The following ERC2 variants were observed in gnomAD, a reference collection of about 807,000 sequenced individuals.
ERC2 encodes ERC protein 2.
ERC2 carries 42 observed loss-of-function variants against 114.8 expected under a neutral mutation model. The observed-to-expected ratio is 0.37, with a 90% CI of 0.29 to 0.47. The LOEUF (loss-of-function observed/expected upper bound fraction) is 0.47. ERC2 is among the 20% of genes least tolerant of loss of function. The pLI, the probability that ERC2 is intolerant of heterozygous loss-of-function variation, is 0.99. For synonymous variants in ERC2, 454 were observed against 425.5 expected, an observed-to-expected ratio of 1.07 and a Z score of -0.82; for missense variants, 939 against 1,150.7, an observed-to-expected ratio of 0.82 and a Z score of 2.66.
intron 3 of ERC2, among the ~76,000 whole-genome samples, chr3:56,195,468 T>G (rs575495414): frequency 6.7e-6 from 1 of 148,434 alleles, no homozygotes; most frequent in Non-Finnish European, 1.5e-5. Flanking sequence ...TATATATGTA[T>G]GTTTAGGGAT....
intron 7 of ERC2, among the ~76,000 whole-genome samples, chr3:56,038,683 C>A (rs1226015065): frequency 1.3e-5 from 2 of 152,144 alleles, no homozygotes; most frequent in African/African-American, 4.8e-5. Flanking sequence ...GGAATCAACC[C>A]AAATGCCCAT....
At chr3:56,416,659 T>TAAAA (rs35915351) in intron 2 of ERC2, among the ~76,000 whole-genome samples, 6 of 104,272 alleles carry the variant, frequency 5.8e-5, no homozygotes, top group Admixed American at 2.2e-4. Context: ...AAAACATGAT[T>TAAAA]AAAAAAAAAA....
At chr3:55,864,186 T>TATATATATATATACAC (rs1559783422) in intron 14 of ERC2, among the ~76,000 whole-genome samples, 344 of 139,062 alleles carry the variant, frequency 2.5e-3, no homozygotes, top group African/African-American at 9.2e-3. Flanking sequence ...TATATACACA[T>TATATATATATATACAC]ATATATATAC....
intron 13 of ERC2, among the ~76,000 whole-genome samples, chr3:55,944,438 G>T (rs1325195476): frequency 6.6e-6 from 1 of 152,196 alleles, no homozygotes; most frequent in Non-Finnish European, 1.5e-5. Flanking sequence ...TGAAGTGGAG[G>T]ATTAGGTCAG....
intron 3 of ERC2, among the ~76,000 whole-genome samples, chr3:56,275,447 G>A (rs2053927745): frequency 6.6e-6 from 1 of 152,150 alleles, no homozygotes; most frequent in African/African-American, 2.4e-5. Flanking sequence ...AAGTTTCTTA[G>A]TCCCATTTTA....
intron 3 of ERC2, among the ~76,000 whole-genome samples, chr3:56,243,895 T>C (rs1462877133): frequency 6.6e-6 from 1 of 152,144 alleles, no homozygotes; most frequent in African/African-American, 2.4e-5. Context: ...TGAGTTTATA[T>C]TGTCATCCTT....
chr3:56,272,631 G>C (rs989868497), intron 3 of ERC2, among the ~76,000 whole-genome samples: 1 of 152,170 alleles, frequency 6.6e-6, no homozygotes, highest in Non-Finnish European at 1.5e-5. Flanking sequence ...TTAGCCAGGC[G>C]GGGTAGTGCA....
intron 14 of ERC2, among the ~76,000 whole-genome samples, chr3:55,795,655 C>T (rs1455416257): frequency 6.6e-6 from 1 of 152,136 alleles, no homozygotes; most frequent in African/African-American, 2.4e-5. Context: ...CTGTACGTAA[C>T]CAAGAAACCA....
At chr3:55,853,538 G>GA (rs960266910) in intron 14 of ERC2, among the ~76,000 whole-genome samples, 7 of 148,870 alleles carry the variant, frequency 4.7e-5, no homozygotes, top group South Asian at 2.1e-4. Flanking sequence ...AATAAACAAA[G>GA]AAAAAAAAAG....
chr3:55,886,434 A>AT (rs1222898375), intron 14 of ERC2, among the ~76,000 whole-genome samples: 2 of 152,206 alleles, frequency 1.3e-5, no homozygotes, highest in Non-Finnish European at 2.9e-5. Context: ...AACATTCCAT[A>AT]TTGTTTTCTA....
chr3:56,415,911 C>A (rs2061133190), intron 2 of ERC2, among the ~76,000 whole-genome samples: 1 of 152,182 alleles, frequency 6.6e-6, no homozygotes, highest in Non-Finnish European at 1.5e-5. Flanking sequence ...TGGCCCCATG[C>A]CCTCATCAAA....
intron 17 of ERC2, among the ~76,000 whole-genome samples, chr3:55,610,013 T>C (rs543285749): frequency 1.3e-5 from 2 of 150,680 alleles, no homozygotes; most frequent in Non-Finnish European, 3.0e-5. Context: ...GGGCATTTTC[T>C]TTCTCTTTAT....
intron 2 of ERC2, among the ~76,000 whole-genome samples, chr3:56,401,303 T>C (rs1252601985): frequency 1.3e-5 from 2 of 152,236 alleles, no homozygotes; most frequent in Non-Finnish European, 2.9e-5. Flanking sequence ...TAACAGATTT[T>C]TCAAGAAAGA....
At chr3:55,746,024 A>G (rs951905402) in intron 14 of ERC2, among the ~76,000 whole-genome samples, 1 of 152,198 alleles carries the variant, frequency 6.6e-6, no homozygotes, top group African/African-American at 2.4e-5. Context: ...CTTGAACTAC[A>G]TATTTCCCTT....
At chr3:56,000,766 G>A (rs533080179) in intron 10 of ERC2, among the ~76,000 whole-genome samples, 2 of 151,942 alleles carry the variant, frequency 1.3e-5, no homozygotes, top group African/African-American at 4.8e-5. Context: ...ACTGGCACAG[G>A]AAGGAGGCAA....
chr3:55,614,682 T>C (rs1233776696), intron 17 of ERC2, among the ~76,000 whole-genome samples: 1 of 152,236 alleles, frequency 6.6e-6, no homozygotes, highest in East Asian at 1.9e-4. Context: ...GTGCTCACTC[T>C]GAGTTTTATA....
chr3:56,275,665 AG>A (rs1275431497), intron 3 of ERC2, among the ~76,000 whole-genome samples: 1 of 152,186 alleles, frequency 6.6e-6, no homozygotes, highest in East Asian at 1.9e-4. Flanking sequence ...CTAATTCCAG[AG>A]GCCTGGGACA....
chr3:56,114,781 T>G (rs1159635222), intron 6 of ERC2, among the ~76,000 whole-genome samples: 1 of 152,218 alleles, frequency 6.6e-6, no homozygotes, highest in Non-Finnish European at 1.5e-5. Flanking sequence ...CCAAGCTGCC[T>G]TTTTCATTCC....
intron 3 of ERC2, among the ~76,000 whole-genome samples, chr3:56,234,852 C>CA (rs2150186507): frequency 6.6e-6 from 1 of 152,280 alleles, no homozygotes; most frequent in East Asian, 1.9e-4. Flanking sequence ...ACAGTGTCCC[C>CA]ACTAACCAAA....
Sources: allele counts gnomAD v4.1 joint callset (sites outside exome capture counted in the v4.1 genomes callset), GRCh38; gene constraint gnomAD v4.1.1; transcripts MANE v1.5; gene names NCBI Gene and HGNC (gene_info 2026-07-23, HGNC 2026-07-21).